Variants in SAMD5 observed in about 807,000 individuals in gnomAD.
SAMD5 encodes sterile alpha motif domain containing 5, also known as sterile alpha motif domain-containing protein 5.
A neutral mutation model predicts 11.3 loss-of-function variants in SAMD5; 13 were observed. That is an observed-to-expected ratio of 1.15 (90% CI 0.75 to 1.83). The LOEUF (loss-of-function observed/expected upper bound fraction) is 1.83. Among genes scored for constraint, SAMD5 ranks in the 40% most tolerant of loss-of-function variants. The pLI is 0.00. For missense variants in SAMD5, 255 were observed against 239.1 expected, an observed-to-expected ratio of 1.07 and a Z score of -0.44; for synonymous variants, 129 against 111.3, an observed-to-expected ratio of 1.16 and a Z score of -1.00.
At position 147,702,099 on chromosome 6, in the gene SAMD5, T is replaced by A. The variant is rs540161374; in HGVS notation, c.163-35218T>A. ...CATGGCTGAGGAAGCCTCACCATCA[T>A]GGCGGAAGACAAAAGAAGAGCAAAG... On this transcript the variant is annotated intron_variant, in intron 1 of 1. Transcript: ENST00000566741. 3.3e-5 allele frequency among the ~76,000 whole-genome samples: 5 copies of A among 152,298 alleles called. No homozygotes were observed. In the South Asian group the frequency reaches 8.3e-4, roughly 25 times the overall value.
At chr6:147,880,855 G>A in the SAMD5 span, among the ~76,000 whole-genome samples, 1 of 152,028 alleles carries the variant, frequency 6.6e-6, no homozygotes, top group Non-Finnish European at 1.5e-5. Context: ...TGGTAAAATT[G>A]TACTAGATCC....
chr6:147,523,356 T>C (rs1389478279), intron 1 of SAMD5, among the ~76,000 whole-genome samples: 1 of 152,198 alleles, frequency 6.6e-6, no homozygotes, highest in African/African-American at 2.4e-5. Context: ...GGTGGATTTT[T>C]TAAAAAGGTC....
chr6:147,555,366 C>A (rs1294875954), intron 1 of SAMD5, among the ~76,000 whole-genome samples: 1 of 152,144 alleles, frequency 6.6e-6, no homozygotes, highest in Non-Finnish European at 1.5e-5. Flanking sequence ...GGGTATTTGG[C>A]AGATTTCTTA....
chr6:147,671,889 ATTTTTTTTTTTTT>A (rs56865442), intron 1 of SAMD5, among the ~76,000 whole-genome samples: 4 of 98,070 alleles, frequency 4.1e-5, no homozygotes, highest in Non-Finnish European at 6.0e-5. Flanking sequence ...CTTTTTCAGG[ATTTTTTTTTTTTT>A]TTTTTTTTTT....
Position 147,603,875 on chromosome 6 carries a change from T to C in SAMD5, c.162+94488T>C, listed in dbSNP as rs141734782. Reference sequence around the variant, plus strand: ...TGATTTGTCCATGTTTATGCAGAAATTGAAAGCTGGGCAGGATGGAGTTAG... The same window carrying C: ...TGATTTGTCCATGTTTATGCAGAAACTGAAAGCTGGGCAGGATGGAGTTAG... On this transcript the variant is annotated intron_variant, in intron 1 of 1. Coordinates refer to the SAMD5 transcript ENST00000566741. Among the ~76,000 whole-genome samples, 33 of 152,306 alleles carry C rather than the reference T, an allele frequency of 2.2e-4. 1 individual carries two copies. Among genetic ancestry groups the C allele is most frequent in the African/African-American group, 7.5e-4 (31 of 41,570 alleles).
At chr6:147,904,351 C>G in the SAMD5 span, among the ~76,000 whole-genome samples, 1 of 152,138 alleles carries the variant, frequency 6.6e-6, no homozygotes, top group East Asian at 1.9e-4. Context: ...GACTCTAGCT[C>G]TAGTCCTATG....
the SAMD5 span, among the ~76,000 whole-genome samples, chr6:147,897,216 A>G: frequency 2.0e-5 from 3 of 152,328 alleles, no homozygotes; most frequent in African/African-American, 4.8e-5. Context: ...CCAGCTTTAC[A>G]TGCTTAACCA....
chr6:147,842,036 G>A, the SAMD5 span, among the ~76,000 whole-genome samples: 1 of 152,198 alleles, frequency 6.6e-6, no homozygotes, highest in African/African-American at 2.4e-5. Flanking sequence ...ACAACCTTGT[G>A]CTCCTAAATG....
At chr6:147,757,621 A>C in the SAMD5 span, among the ~76,000 whole-genome samples, 6 of 152,278 alleles carry the variant, frequency 3.9e-5, no homozygotes, top group Non-Finnish European at 5.9e-5. Flanking sequence ...GATTCCCTTT[A>C]AGAGTGATAG....
chr6:147,724,870 A>G (rs1583154737), intron 1 of SAMD5, among the ~76,000 whole-genome samples: 1 of 149,600 alleles, frequency 6.7e-6, no homozygotes, highest in South Asian at 2.3e-4. Context: ...TTGGTGATTT[A>G]AAGTTTACTG....
the SAMD5 span, among the ~76,000 whole-genome samples, chr6:147,761,324 A>G: frequency 1.3e-5 from 2 of 152,302 alleles, no homozygotes; most frequent in East Asian, 3.9e-4. Context: ...ATTGGAAATG[A>G]ATGGTAATTG....
the SAMD5 span, among the ~76,000 whole-genome samples, chr6:147,798,243 G>A: frequency 0.014 from 2,074 of 147,554 alleles, 36 homozygotes; most frequent in Non-Finnish European, 0.022. Context: ...CTTTGAATGT[G>A]TCCCAGAGAT....
At chr6:147,518,966 A>C (rs79576637) in intron 1 of SAMD5, among the ~76,000 whole-genome samples, 1,598 of 152,356 alleles carry the variant, frequency 0.01, 32 homozygotes, top group African/African-American at 0.036. Flanking sequence ...TCTGTCTTAC[A>C]TAAAGACTAA....
intron 1 of SAMD5, among the ~76,000 whole-genome samples, chr6:147,671,058 G>T (rs985836510): frequency 6.6e-6 from 1 of 152,130 alleles, no homozygotes; most frequent in African/African-American, 2.4e-5. Context: ...TTATTAGCTG[G>T]CCCAATTTCA....
intron 1 of SAMD5, among the ~76,000 whole-genome samples, chr6:147,618,579 G>A (rs747047303): frequency 2.6e-5 from 4 of 152,186 alleles, no homozygotes; most frequent in South Asian, 2.1e-4. Context: ...GATCAGAAAC[G>A]CAGGGTGACT....
chr6:147,843,085 A>G, the SAMD5 span, among the ~76,000 whole-genome samples: 58 of 152,250 alleles, frequency 3.8e-4, 1 homozygote, highest in Middle Eastern at 3.4e-3. Context: ...GCTGGTCTTG[A>G]ACTCTTGACC....
Position 147,508,935 on chromosome 6 carries a change from A to G in SAMD5, c.7A>G (p.Thr3Ala). 1.3e-6 allele frequency: 2 copies of G among 1,593,148 alleles called. No homozygotes were observed. The highest frequency in any genetic ancestry group is 1.7e-6 in the Non-Finnish European group (2 of 1,170,606). ...CGGGGTTCCCGGTCCCACCATGTGC[A>G]CCAACATAGTTTACGAGTGGCTCAA... MC[T>A]NIVYEWLKAL... is the part of the protein sequence containing the mutation. Residue 3 changes from threonine to alanine, a missense_variant, in exon 1 of 2, where the codon ACC becomes GCC. Coordinates refer to ENST00000367474, the MANE Select transcript of SAMD5 (RefSeq NM_001030060.3).
chr6:147,577,598 A>G (rs1272816555), intron 1 of SAMD5, among the ~76,000 whole-genome samples: 1 of 152,052 alleles, frequency 6.6e-6, no homozygotes, highest in African/African-American at 2.4e-5. Context: ...TCTATGCTTT[A>G]ATATCCTTCC....
At chr6:147,728,965 A>G (rs1791668449) in intron 1 of SAMD5, among the ~76,000 whole-genome samples, 1 of 152,224 alleles carries the variant, frequency 6.6e-6, no homozygotes, top group Non-Finnish European at 1.5e-5. Flanking sequence ...CTGGGTTGCA[A>G]TAACAATATG....
Sources: gnomAD v4.1 joint callset for allele counts (sites outside exome capture counted in the v4.1 genomes callset) on GRCh38, gnomAD v4.1.1 for gene constraint, MANE v1.5 for transcripts, NCBI Gene and HGNC (gene_info 2026-07-23, HGNC 2026-07-21) for gene names.